The following MTHFD1L variants were observed in gnomAD, a reference collection of about 807,000 sequenced individuals.
The protein encoded by MTHFD1L is methylenetetrahydrofolate dehydrogenase (NADP+ dependent) 1 like.
A neutral mutation model predicts 119.5 loss-of-function variants in MTHFD1L; 81 were observed. The observed-to-expected ratio is 0.68, with a 90% CI of 0.57 to 0.82. MTHFD1L has a LOEUF of 0.82. Among genes scored for constraint, MTHFD1L ranks in the 40% least tolerant of loss-of-function variants. The pLI is 0.00. For missense variants in MTHFD1L, 1,125 were observed against 1,253.4 expected, an observed-to-expected ratio of 0.90 and a Z score of 1.55; for synonymous variants, 430 against 475.2, an observed-to-expected ratio of 0.90 and a Z score of 1.24.
At chr6:151,044,082 T>C (rs1428757594) in intron 26 of MTHFD1L, among the ~76,000 whole-genome samples, 1 of 152,104 alleles carries the variant, frequency 6.6e-6, no homozygotes, top group African/African-American at 2.4e-5. Context: ...GGGGGCAGGG[T>C]GGCTCCTGGC....
At chr6:150,964,357 G>A (rs926469501) in intron 18 of MTHFD1L, among the ~76,000 whole-genome samples, 2 of 152,170 alleles carry the variant, frequency 1.3e-5, no homozygotes, top group African/African-American at 4.8e-5. Context: ...GGATTGGAAG[G>A]AAGCTGCCTT....
chr6:151,056,398 C>A (rs575586936), intron 26 of MTHFD1L, among the ~76,000 whole-genome samples: 7 of 152,170 alleles, frequency 4.6e-5, no homozygotes, highest in African/African-American at 1.7e-4. Context: ...CACTCCATGC[C>A]ATTGCCAGAG....
At chr6:151,021,143 G>T (rs951393896) in intron 24 of MTHFD1L, among the ~76,000 whole-genome samples, 1 of 152,136 alleles carries the variant, frequency 6.6e-6, no homozygotes, top group Non-Finnish European at 1.5e-5. Context: ...CTAATCTCTC[G>T]AGCCTCAGCA....
chr6:150,976,725 G>A (rs1005898995), intron 20 of MTHFD1L, among the ~76,000 whole-genome samples: 5 of 152,184 alleles, frequency 3.3e-5, no homozygotes, highest in African/African-American at 1.2e-4. Flanking sequence ...GTGACAGATT[G>A]GAAAGAAACG....
chr6:151,084,148 G>A (rs1181199336), intron 26 of MTHFD1L, among the ~76,000 whole-genome samples: 1 of 152,184 alleles, frequency 6.6e-6, no homozygotes, highest in African/African-American at 2.4e-5. Context: ...CACTGTTGGA[G>A]TTGCCAGGGC....
rs80115987 is a variant in MTHFD1L, at chr6:150,887,073, A to G, written c.644-772A>G. On this transcript the variant is annotated intron_variant, in intron 6 of 27. Transcript: ENST00000367321. ...CTCCAGTTTGAATAGAAATGAAGCA[A>G]ATGCCCCTCCCTACCCCTGAACATC... is the stretch of plus-strand genomic sequence containing the variant. Among the ~76,000 whole-genome samples the G allele has an allele frequency of 4.2e-3, 633 of 152,244 alleles. 2 individuals carry two copies. Among genetic ancestry groups the G allele is most frequent in the Non-Finnish European group, 7.5e-3 (507 of 68,010 alleles).
intron 8 of MTHFD1L, among the ~76,000 whole-genome samples, chr6:150,906,657 A>T (rs1263253107): frequency 6.6e-6 from 1 of 152,180 alleles, no homozygotes; most frequent in African/African-American, 2.4e-5. Flanking sequence ...GGCAGCTTTT[A>T]TCCCTAAAGC....
At chr6:151,089,434 T>C (rs756808068) in intron 26 of MTHFD1L, among the ~76,000 whole-genome samples, 18 of 152,100 alleles carry the variant, frequency 1.2e-4, no homozygotes, top group Admixed American at 3.3e-4. Flanking sequence ...AAACCCTGTC[T>C]CTACCAAAAA....
intron 26 of MTHFD1L, among the ~76,000 whole-genome samples, chr6:151,090,579 C>T (rs1393165391): frequency 6.6e-6 from 1 of 152,252 alleles, no homozygotes; most frequent in Non-Finnish European, 1.5e-5. Flanking sequence ...AACCTCGAGT[C>T]ACGACTGAAA....
intron 26 of MTHFD1L, among the ~76,000 whole-genome samples, chr6:151,042,603 G>A (rs769594706): frequency 2.3e-4 from 35 of 152,084 alleles, no homozygotes; most frequent in Non-Finnish European, 3.7e-4. Flanking sequence ...TTTGTCTTGT[G>A]GTCACATGGT....
At chr6:150,980,312 T>C (rs1166242402) in intron 20 of MTHFD1L, among the ~76,000 whole-genome samples, 1 of 152,184 alleles carries the variant, frequency 6.6e-6, no homozygotes, top group African/African-American at 2.4e-5. Flanking sequence ...ATTTCTCCTG[T>C]GTGGCTTGGT....
At chr6:150,939,411 C>T (rs915032739) in intron 13 of MTHFD1L, 5 of 152,336 alleles carry the variant, frequency 3.3e-5, no homozygotes, top group African/African-American at 9.7e-5. Context: ...TGTAAGAACT[C>T]CACCTTTGTT....
rs1325860871 is a variant in MTHFD1L, at chr6:150,906,146, C to T, written c.892+385C>T. Among the ~76,000 whole-genome samples, 5 of 152,190 alleles carry T rather than the reference C, an allele frequency of 3.3e-5. No individual in the cohort carries two copies. The South Asian group carries it at 8.3e-4, about 25-fold the overall frequency. On this transcript the variant is annotated intron_variant, in intron 8 of 27. Transcript: ENST00000367321. ...ATCTCACTATGTAAAAGCAGATGAG[C>T]GCCGGATTGTTGGGAGGGATGGGAA...
chr6:150,923,663 C>T (rs1232411781), intron 10 of MTHFD1L, among the ~76,000 whole-genome samples: 2 of 150,602 alleles, frequency 1.3e-5, no homozygotes, highest in African/African-American at 2.4e-5. Flanking sequence ...GCCACCGCAC[C>T]GGGGCTGACT....
intron 26 of MTHFD1L, among the ~76,000 whole-genome samples, chr6:151,067,679 A>G (rs1468225586): frequency 6.6e-6 from 1 of 152,240 alleles, no homozygotes; most frequent in Non-Finnish European, 1.5e-5. Flanking sequence ...GGTGCCAGAA[A>G]TAATGTTGTG....
At position 150,865,916 on chromosome 6, in the gene MTHFD1L, AGCAGCGGCGGCG is replaced by A. The variant is rs1778213027; in HGVS notation, c.97_108del (p.Ser33_Gly36del). On this transcript the variant is annotated inframe_deletion, in exon 1 of 28. Transcript: ENST00000367321. ...CCGCCTCCGTGTGCCCTGTCGCGCT[AGCAGCGGCGGCG>A]GCGGAGGCGGCGGCGGTGGCCGGGA... The A allele has an allele frequency of 2.5e-6, 3 of 1,197,308 alleles. No homozygotes were observed. Among genetic ancestry groups the A allele is most frequent in the Non-Finnish European group, 3.1e-6 (3 of 968,646 alleles). The allele number at this position is 1,197,308 out of a possible 1,614,324, so 74.2% of individuals were successfully genotyped here. A position where few individuals can be genotyped will look rare whatever the true frequency, so the allele number is the denominator to read the frequency against.
intron 5 of MTHFD1L, among the ~76,000 whole-genome samples, chr6:150,884,411 A>G (rs1214224969): frequency 6.6e-6 from 1 of 151,752 alleles, no homozygotes; most frequent in Non-Finnish European, 1.5e-5. Flanking sequence ...AAGTGCTGGG[A>G]TTACAGGAGT....
chr6:150,907,392 G>A (rs1418343017), intron 8 of MTHFD1L, among the ~76,000 whole-genome samples: 1 of 152,076 alleles, frequency 6.6e-6, no homozygotes, highest in Non-Finnish European at 1.5e-5. Context: ...AAAGACCAAG[G>A]CGTTACAGAT....
chr6:150,904,276 T>C (rs945418979), intron 7 of MTHFD1L, among the ~76,000 whole-genome samples: 2 of 152,180 alleles, frequency 1.3e-5, no homozygotes, highest in Non-Finnish European at 2.9e-5. Flanking sequence ...CTTTTGTGTG[T>C]TGTAATCTGC....
Sources: allele counts gnomAD v4.1 joint callset (sites outside exome capture counted in the v4.1 genomes callset), GRCh38; gene constraint gnomAD v4.1.1; transcripts MANE v1.5; gene names NCBI Gene and HGNC (gene_info 2026-07-23, HGNC 2026-07-21).